The following CDH13 variants were observed in gnomAD, a reference collection of about 807,000 sequenced individuals.
CDH13 encodes the protein cadherin-13.
Under a neutral mutation model 63.8 loss-of-function variants are expected in CDH13, and 24 were observed. The ratio of observed to expected loss-of-function variants is 0.38; its 90% CI spans 0.27 to 0.53. The LOEUF (loss-of-function observed/expected upper bound fraction) is 0.53, where lower values mean the gene tolerates loss of function less well. Among genes scored for constraint, CDH13 ranks in the 20% least tolerant of loss-of-function variants. The pLI, the probability that CDH13 is intolerant of heterozygous loss-of-function variation, is 0.85. For synonymous variants in CDH13, 503 were observed against 355.3 expected, an observed-to-expected ratio of 1.42 and a Z score of -4.67; for missense variants, 1,049 against 903.1, an observed-to-expected ratio of 1.16 and a Z score of -2.07.
intron 7 of CDH13, among the ~76,000 whole-genome samples, chr16:83,516,020 C>A (rs1388341873): frequency 1.3e-5 from 2 of 152,148 alleles, no homozygotes; most frequent in Non-Finnish European, 2.9e-5. Flanking sequence ...CCAAGAAAAT[C>A]AATTCAAACA....
chr16:83,256,584 C>A lies in CDH13; in HGVS notation c.636+39087C>A, dbSNP rs1906290200. 3.3e-5 allele frequency among the ~76,000 whole-genome samples: 5 copies of A among 150,824 alleles called. No individual in the cohort carries two copies. The South Asian group carries it at 1.0e-3, about 31-fold the overall frequency. Reference sequence around the variant, plus strand: ...CGGTGGCTCACGCCTGTAATCCCAGCACTTTGGGAGGCTGAGGCGGGCGAA... The same window carrying A: ...CGGTGGCTCACGCCTGTAATCCCAGAACTTTGGGAGGCTGAGGCGGGCGAA... On this transcript the variant is annotated intron_variant, in intron 5 of 13. Transcript: ENST00000567109.
At chr16:83,361,517 A>T (rs1299614594) in intron 6 of CDH13, among the ~76,000 whole-genome samples, 1 of 152,206 alleles carries the variant, frequency 6.6e-6, no homozygotes, top group African/African-American at 2.4e-5. Context: ...GCCAATGTCC[A>T]GAATGGCGTT....
chr16:82,992,251 A>C (rs1178086442), intron 2 of CDH13, among the ~76,000 whole-genome samples: 1 of 152,178 alleles, frequency 6.6e-6, no homozygotes, highest in Non-Finnish European at 1.5e-5. Flanking sequence ...TTATTTGTGA[A>C]ATGAAGAGCT....
At chr16:83,015,677 G>GTGTATATATATATA (rs1280924836) in intron 2 of CDH13, among the ~76,000 whole-genome samples, 2 of 37,560 alleles carry the variant, frequency 5.3e-5, no homozygotes, top group African/African-American at 1.7e-4. Flanking sequence ...GTGTGTGTAT[G>GTGTATATATATATA]TATATATATA....
chr16:83,743,825 C>T (rs1912308232), intron 10 of CDH13, among the ~76,000 whole-genome samples: 1 of 122,020 alleles, frequency 8.2e-6, no homozygotes, highest in Admixed American at 1.1e-4. Context: ...TGTAATAAAC[C>T]TTTACCGGGC....
intron 6 of CDH13, among the ~76,000 whole-genome samples, chr16:83,475,708 A>G (rs962814906): frequency 1.5e-4 from 23 of 152,122 alleles, no homozygotes; most frequent in Admixed American, 7.9e-4. Context: ...CAGCCTCCCC[A>G]GTAACTAGGA....
intron 5 of CDH13, among the ~76,000 whole-genome samples, chr16:83,277,825 T>G (rs941574535): frequency 3.9e-5 from 6 of 152,200 alleles, no homozygotes; most frequent in Non-Finnish European, 2.9e-5. Context: ...TTTTTAGTAA[T>G]TTGGTAATCT....
chr16:82,980,057 T>C (rs1056689560), intron 2 of CDH13, among the ~76,000 whole-genome samples: 1 of 152,116 alleles, frequency 6.6e-6, no homozygotes, highest in African/African-American at 2.4e-5. Flanking sequence ...CCACAAGGGA[T>C]GGCACCACCC....
chr16:83,595,412 A>C (rs531118584), intron 7 of CDH13, among the ~76,000 whole-genome samples: 1 of 152,340 alleles, frequency 6.6e-6, no homozygotes, highest in South Asian at 2.1e-4. Flanking sequence ...TGCCCTTGAA[A>C]ACTTTGTCAT....
chr16:83,331,657 T>C (rs1248803116), intron 5 of CDH13, among the ~76,000 whole-genome samples: 1 of 152,226 alleles, frequency 6.6e-6, no homozygotes, highest in African/African-American at 2.4e-5. Context: ...AAAACCACTG[T>C]TAATATTTTA....
intron 3 of CDH13, among the ~76,000 whole-genome samples, chr16:83,054,935 C>T (rs570980618): frequency 2.0e-5 from 3 of 152,048 alleles, no homozygotes; most frequent in African/African-American, 7.2e-5. Flanking sequence ...ATATTGTAGG[C>T]TGGTCATAGA....
intron 6 of CDH13, among the ~76,000 whole-genome samples, chr16:83,351,280 CTTTTT>C (rs5818442): frequency 1.5e-5 from 2 of 135,058 alleles, no homozygotes; most frequent in Non-Finnish European, 1.6e-5. Context: ...GTGGCTATTT[CTTTTT>C]TTTTTTTTTT....
intron 8 of CDH13, among the ~76,000 whole-genome samples, chr16:83,606,460 G>A (rs1908339819): frequency 6.6e-6 from 1 of 152,122 alleles, no homozygotes; most frequent in African/African-American, 2.4e-5. Context: ...AGTGAAGGCT[G>A]GGAGTGGTGG....
At chr16:83,367,681 C>T (rs557028894) in intron 6 of CDH13, among the ~76,000 whole-genome samples, 1 of 152,150 alleles carries the variant, frequency 6.6e-6, no homozygotes, top group South Asian at 2.1e-4. Flanking sequence ...ATTATAGCCT[C>T]CTTGCTAGGT....
At chr16:82,844,210 A>G (rs2039152550) in intron 1 of CDH13, among the ~76,000 whole-genome samples, 1 of 152,132 alleles carries the variant, frequency 6.6e-6, no homozygotes, top group South Asian at 2.1e-4. Context: ...ACAGAGAAAA[A>G]CAGGTGAGAA....
intron 2 of CDH13, among the ~76,000 whole-genome samples, chr16:82,958,285 CTG>C (rs1466331733): frequency 6.6e-6 from 1 of 152,164 alleles, no homozygotes; most frequent in Non-Finnish European, 1.5e-5. Flanking sequence ...GTGCTTAAAA[CTG>C]TGTCTGATAT....
intron 1 of CDH13, among the ~76,000 whole-genome samples, chr16:82,715,716 G>A (rs560707224): frequency 5.9e-5 from 9 of 152,306 alleles, no homozygotes; most frequent in African/African-American, 2.2e-4. Context: ...ACACTCCAGT[G>A]CAGGAAAGAT....
At position 83,424,008 on chromosome 16, in the gene CDH13, A is replaced by G. The variant is rs185797353; in HGVS notation, c.782-62469A>G. ...AAACCAGTCTAGAAGAGGGAAATCC[A>G]ACATGGACTGAACAGTCTAGAAGAG... is the stretch of plus-strand genomic sequence containing the variant. On this transcript the variant is annotated intron_variant, in intron 6 of 13. Transcript: ENST00000567109. 1.4e-3 allele frequency among the ~76,000 whole-genome samples: 213 copies of G among 152,306 alleles called. 1 individual carries two copies. The Middle Eastern group carries it at 0.017, about 12-fold the overall frequency.
At chr16:83,425,875 C>A (rs558741464) in intron 6 of CDH13, among the ~76,000 whole-genome samples, 1 of 152,138 alleles carries the variant, frequency 6.6e-6, no homozygotes, top group Admixed American at 6.5e-5. Flanking sequence ...TTAATATGTG[C>A]CCAGCACTGT....
Sources: gnomAD v4.1 joint callset for allele counts (sites outside exome capture counted in the v4.1 genomes callset) on GRCh38, gnomAD v4.1.1 for gene constraint, MANE v1.5 for transcripts, NCBI Gene and HGNC (gene_info 2026-07-23, HGNC 2026-07-21) for gene names.